MS4A8: variants seen among roughly 807,000 people sequenced by gnomAD.
MS4A8 encodes membrane-spanning 4-domains subfamily A member 8.
Under a neutral mutation model 23.7 loss-of-function variants are expected in MS4A8, and 27 were observed. The ratio of observed to expected loss-of-function variants is 1.14; its 90% CI spans 0.84 to 1.57. The LOEUF is 1.57. MS4A8 is among the 40% of genes most tolerant of loss of function. The pLI, the probability that MS4A8 is intolerant of heterozygous loss-of-function variation, is 0.00. For missense variants in MS4A8, 301 were observed against 311.4 expected (o/e 0.97, Z 0.25); for synonymous variants, 138 against 126.3 (o/e 1.09, Z -0.62).
intron 2 of MS4A8, chr11:60,703,061 A>G (rs2088218469): frequency 5.1e-6 from 1 of 197,736 alleles, no homozygotes; most frequent in Admixed American, 6.2e-5. Flanking sequence ...AGCCCTGAAA[A>G]AACATATGTT....
chr11:60,707,309 CGAGAGA>C (rs112128181), intron 4 of MS4A8, among the ~76,000 whole-genome samples: 17 of 147,656 alleles, frequency 1.2e-4, no homozygotes, highest in Middle Eastern at 3.5e-3. Flanking sequence ...GTATGGAGAG[CGAGAGA>C]GAGAGAGAGA....
At chr11:60,702,524 TC>T (rs1418853667) in intron 2 of MS4A8, among the ~76,000 whole-genome samples, 3 of 152,238 alleles carry the variant, frequency 2.0e-5, no homozygotes, top group Non-Finnish European at 4.4e-5. Context: ...CGCCTCAGCC[TC>T]CCAAGTAGCT....
At position 60,706,976 on chromosome 11, in the gene MS4A8, G is replaced by A. The variant is rs2088260665; in HGVS notation, c.343-12G>A. On this transcript the variant is annotated splice_polypyrimidine_tract_variant and intron_variant, in intron 3 of 6. Transcript: ENST00000300226. ...CCTGACCTCTTTCTAAACCCACTCT[G>A]TTCTGTACCAGTTTATCATTTCAGG... The A allele has an allele frequency of 1.2e-6, 2 of 1,613,784 alleles. No individual in the cohort carries two copies. Among genetic ancestry groups the A allele is most frequent in the African/African-American group, 1.3e-5 (1 of 74,898 alleles).
intron 5 of MS4A8, among the ~76,000 whole-genome samples, chr11:60,709,425 T>G (rs2088283529): frequency 6.6e-6 from 1 of 152,244 alleles, no homozygotes; most frequent in African/African-American, 2.4e-5. Context: ...GAAATTGATT[T>G]TAATAATCTA....
intron 3 of MS4A8, among the ~76,000 whole-genome samples, chr11:60,704,116 CTTTTTT>C (rs1245958477): frequency 7.9e-6 from 1 of 126,870 alleles, no homozygotes; most frequent in South Asian, 2.4e-4. Context: ...TTTCTTTTTA[CTTTTTT>C]TTTTTTTTTT....
In MS4A8 at chr11:60,711,889, T is replaced by A. The variant is rs879204860; in HGVS notation, c.534+3108T>A. On this transcript the variant is annotated intron_variant, in intron 5 of 6. Coordinates refer to ENST00000300226, the MANE Select transcript of MS4A8 (RefSeq NM_031457.2). ...CCCCATGCCCACCACCCATTCCACCTTCAAGCCTCAGTCATCCCATCTGAA... is the reference window on the plus strand; with the variant it reads ...CCCCATGCCCACCACCCATTCCACCATCAAGCCTCAGTCATCCCATCTGAA... The A allele has an allele frequency of 6.6e-6, 3 of 455,898 alleles. No individual in the cohort carries two copies. The Admixed American group carries it at 7.1e-5, about 11-fold the overall frequency. The allele number at this position is 455,898 out of a possible 1,614,324, so 28.2% of individuals were successfully genotyped here.
At position 60,700,919 on chromosome 11, in the gene MS4A8, A is replaced by C. The variant is rs1231408067; in HGVS notation, c.59A>C (p.His20Pro). Residue 20 changes from histidine (H) to proline (P), a missense_variant, in exon 2 of 7, where the codon CAC becomes CCC. Transcript: ENST00000300226. ...AATTCTGTGTTGGTGGTGGCACCCC[A>C]CAATGGTTATCCTGTGACCCCAGGA... is the stretch of plus-strand genomic sequence containing the variant. ...VANSVLVVAP[H>P]NGYPVTPGIM... 6.2e-7 allele frequency: 1 copy of C among 1,614,082 alleles called. No homozygotes were observed. The highest frequency in any genetic ancestry group is 1.3e-5 in the African/African-American group (1 of 74,938).
chr11:60,706,722 A>C (rs1385118318), intron 3 of MS4A8, among the ~76,000 whole-genome samples: 3 of 152,240 alleles, frequency 2.0e-5, no homozygotes, highest in Non-Finnish European at 4.4e-5. Flanking sequence ...AGATGAGGAA[A>C]TAAAGACTTA....
At chr11:60,702,446 A>C (rs2134653812) in intron 2 of MS4A8, among the ~76,000 whole-genome samples, 1 of 152,358 alleles carries the variant, frequency 6.6e-6, no homozygotes. Flanking sequence ...TCTGTCACCC[A>C]GGCTGGAGCG....
chr11:60,708,745 T>C lies in MS4A8; in HGVS notation c.498T>C (p.Tyr166=), dbSNP rs2088278192. The C allele has an allele frequency of 6.2e-7, 1 of 1,613,866 alleles. No homozygotes were observed. The highest frequency in any genetic ancestry group is 1.7e-5 in the Admixed American group (1 of 59,980). The part of the protein sequence containing the change: ...FITDLSIPHP[Y]AYPDYYPYAW... ...CAGATCTAAGTATTCCCCACCCATA[T>C]GCCTACCCCGACTATTATCCTTACG... is the stretch of plus-strand genomic sequence containing the variant. The change falls in exon 5 of 7, where the codon TAT becomes TAC. Residue 166 remains tyrosine (Y), a synonymous_variant. Transcript: ENST00000300226.
intron 5 of MS4A8, among the ~76,000 whole-genome samples, chr11:60,712,983 T>A (rs1204631878): frequency 6.6e-6 from 1 of 152,090 alleles, no homozygotes; most frequent in East Asian, 1.9e-4. Context: ...TACTCCTGGG[T>A]ATTCTTGGGT....
At chr11:60,702,815 C>T (rs535768291) in intron 2 of MS4A8, among the ~76,000 whole-genome samples, 1 of 152,288 alleles carries the variant, frequency 6.6e-6, no homozygotes, top group South Asian at 2.1e-4. Flanking sequence ...AATAGAGTCA[C>T]ATTCTGAGGC....
intron 5 of MS4A8, 91 bp from the exon 6 acceptor site, chr11:60,714,930 G>A: frequency 1.1e-6 from 1 of 907,744 alleles, no homozygotes; most frequent in Admixed American, 1.7e-5. Context: ...CTTCCGCAAA[G>A]CCACAAAGAG....
At chr11:60,707,812 C>CTTT (rs5792195) in intron 4 of MS4A8, among the ~76,000 whole-genome samples, 490 of 54,988 alleles carry the variant, frequency 8.9e-3, no homozygotes, top group Middle Eastern at 0.03. Context: ...TTTTCTTTTT[C>CTTT]TTTTTTTTTT....
chr11:60,715,135 G>A lies in MS4A8; in HGVS notation c.648+1G>A. The A allele has an allele frequency of 1.2e-6, 2 of 1,610,394 alleles. No homozygotes were observed. Among genetic ancestry groups the A allele is most frequent in the Admixed American group, 1.7e-5 (1 of 60,026 alleles). ...GTTGGTCTGCTGTCAATCAAGCAAT[G>A]TGAGTCCCAGGGTTCCTCAGTGGGT... On this transcript the variant is annotated splice_donor_variant, in intron 6 of 6. Transcript: ENST00000300226. LOFTEE classifies it high-confidence loss of function.
chr11:60,714,893 C>T (rs2088329613), intron 5 of MS4A8, 128 bp from the exon 6 acceptor site: 1 of 670,368 alleles, frequency 1.5e-6, no homozygotes, highest in Non-Finnish European at 2.7e-6. Flanking sequence ...GAAATTTCCC[C>T]CCACGAGGCT....
In MS4A8 at chr11:60,707,031, C is replaced by T; in HGVS notation, c.386C>T (p.Pro129Leu). ...GSLSVAAENQ[P>L]YSYCLLSGSL... ...CTCTCCGTGGCAGCAGAAAATCAGC[C>T]ATATTCTTATTGCCTGGTAAGTTAC... The change falls in exon 4 of 7, where the codon CCA becomes CTA. Residue 129 changes from proline (P) to leucine (L), a missense_variant. Coordinates refer to ENST00000300226, the MANE Select transcript of MS4A8 (RefSeq NM_031457.2). 6.2e-7 allele frequency: 1 copy of T among 1,613,942 alleles called. No homozygotes were observed. The highest frequency in any genetic ancestry group is 8.5e-7 in the Non-Finnish European group (1 of 1,179,840).
intron 1 of MS4A8, among the ~76,000 whole-genome samples, chr11:60,700,184 T>C (rs999066786): frequency 6.6e-6 from 1 of 152,222 alleles, no homozygotes; most frequent in Non-Finnish European, 1.5e-5. Flanking sequence ...CTCAATGTTG[T>C]CCAAGAGATT....
At chr11:60,713,411 G>A (rs1187136228) in intron 5 of MS4A8, among the ~76,000 whole-genome samples, 6 of 152,080 alleles carry the variant, frequency 3.9e-5, no homozygotes, top group South Asian at 2.1e-4. Flanking sequence ...TGGAGAGAAG[G>A]TCAGAAGGTA....
Sources: allele counts gnomAD v4.1 joint callset (sites outside exome capture counted in the v4.1 genomes callset), GRCh38; gene constraint gnomAD v4.1.1; transcripts MANE v1.5; gene names NCBI Gene and HGNC (gene_info 2026-07-23, HGNC 2026-07-21).